Variants in PARD3B observed in about 807,000 individuals in gnomAD.
PARD3B encodes the protein partitioning defective 3 homolog B.
In PARD3B, 103 loss-of-function variants were observed where a neutral mutation model predicts 130.2. The observed-to-expected ratio is 0.79, with a 90% CI of 0.67 to 0.93. The LOEUF (loss-of-function observed/expected upper bound fraction) is 0.93. Ranked by LOEUF, PARD3B falls within the 40% of genes least tolerant of loss-of-function variation. The probability of loss-of-function intolerance (pLI) is 0.00; values close to 1 mark genes in which losing one functional copy is unlikely to be tolerated. For synonymous variants in PARD3B, 583 were observed against 553.2 expected, an observed-to-expected ratio of 1.05 and a Z score of -0.76; for missense variants, 1,609 against 1,499.2, an observed-to-expected ratio of 1.07 and a Z score of -1.21.
At chr2:205,511,747 TCTAA>T (rs1325659937) in intron 21 of PARD3B, among the ~76,000 whole-genome samples, 1 of 152,232 alleles carries the variant, frequency 6.6e-6, no homozygotes, top group African/African-American at 2.4e-5. Context: ...TGAATATCTA[TCTAA>T]CTGGTATTTA....
chr2:205,535,055 T>G (rs1305948792), intron 21 of PARD3B, among the ~76,000 whole-genome samples: 1 of 152,188 alleles, frequency 6.6e-6, no homozygotes, highest in Non-Finnish European at 1.5e-5. Flanking sequence ...AGTTCTTTTT[T>G]GCATCTCTCT....
At chr2:205,118,887 A>C (rs762454283) in intron 6 of PARD3B, 34 bp from the exon 7 acceptor site, 14 of 1,366,934 alleles carry the variant, frequency 1.0e-5, no homozygotes, top group African/African-American at 3.0e-5. Flanking sequence ...TTTATTATTC[A>C]GTAATTATAT....
chr2:205,111,004 G>T (rs1281239980), intron 5 of PARD3B, among the ~76,000 whole-genome samples: 1 of 152,096 alleles, frequency 6.6e-6, no homozygotes, highest in Non-Finnish European at 1.5e-5. Flanking sequence ...TTCTAGTACT[G>T]AGGGTTGTTT....
chr2:204,825,222 G>C (rs778713942), intron 2 of PARD3B, among the ~76,000 whole-genome samples: 3 of 152,168 alleles, frequency 2.0e-5, no homozygotes, highest in Non-Finnish European at 4.4e-5. Flanking sequence ...TTGCATTCCA[G>C]CTTTCTTACT....
intron 2 of PARD3B, among the ~76,000 whole-genome samples, chr2:204,786,943 T>C (rs1038703860): frequency 5.9e-5 from 9 of 152,084 alleles, no homozygotes; most frequent in Admixed American, 3.3e-4. Flanking sequence ...AATCGTGACT[T>C]AAAGACCTGC....
intron 19 of PARD3B, among the ~76,000 whole-genome samples, chr2:205,402,235 T>C (rs1261401115): frequency 6.6e-6 from 1 of 152,218 alleles, no homozygotes; most frequent in African/African-American, 2.4e-5. Context: ...GGAAATCAAG[T>C]GTTTTACATT....
chr2:205,197,954 A>G (rs959156475), intron 15 of PARD3B, among the ~76,000 whole-genome samples: 1 of 152,232 alleles, frequency 6.6e-6, no homozygotes, highest in African/African-American at 2.4e-5. Context: ...TGTTGGCAGT[A>G]TGCCAGGAAG....
intron 21 of PARD3B, among the ~76,000 whole-genome samples, chr2:205,508,783 G>C (rs1041895597): frequency 2.6e-5 from 4 of 152,100 alleles, no homozygotes; most frequent in Admixed American, 6.5e-5. Context: ...GAAAAAAAGA[G>C]AGAAAAAACC....
chr2:204,617,186 G>T lies in PARD3B; in HGVS notation c.121-68995G>T, dbSNP rs188080220. ...AGAGTTAGGGGTTACATTAAGTCTGGGGTAAATTTATACAGGTAAATGGTA... is the reference window on the plus strand; with the variant it reads ...AGAGTTAGGGGTTACATTAAGTCTGTGGTAAATTTATACAGGTAAATGGTA... On this transcript the variant is annotated intron_variant, in intron 1 of 22. Transcript: ENST00000406610. 9.3e-4 allele frequency among the ~76,000 whole-genome samples: 142 copies of T among 152,112 alleles called. 1 individual carries two copies. The highest frequency in any genetic ancestry group is 3.3e-3 in the African/African-American group (136 of 41,504).
intron 18 of PARD3B, among the ~76,000 whole-genome samples, chr2:205,357,651 G>A (rs1423705220): frequency 1.0e-5 from 1 of 98,512 alleles, no homozygotes; most frequent in Non-Finnish European, 2.6e-5. Context: ...ATACTTGAGA[G>A]TTTCATGAGA....
In PARD3B at chr2:205,143,114, C is replaced by T. The variant is rs529906794; in HGVS notation, c.1435-15608C>T. On this transcript the variant is annotated intron_variant, in intron 10 of 22. Transcript: ENST00000406610. Reference sequence around the variant, plus strand: ...GCAAAGAATTCTTAATTCCATTACCCCTTCATTGTGAAATTTCTTTTCAGT... The same window carrying T: ...GCAAAGAATTCTTAATTCCATTACCTCTTCATTGTGAAATTTCTTTTCAGT... Among the ~76,000 whole-genome samples the T allele has an allele frequency of 1.4e-4, 21 of 152,216 alleles. No homozygotes were observed. In the South Asian group the frequency reaches 3.9e-3, roughly 29 times the overall value.
rs1041592355 is a variant in PARD3B at position 204,673,135 on chromosome 2, A to G, written c.121-13046A>G. On this transcript the variant is annotated intron_variant, in intron 1 of 22. Coordinates refer to ENST00000406610, the MANE Select transcript of PARD3B (RefSeq NM_001302769.2). This position sits in a 1 kb window ranked among gnomAD's most constrained non-coding sequence, Gnocchi z 4.7. The stretch of plus-strand genomic sequence containing the variant: ...AAAGCTCATACTTTTTCCACGAAGC[A>G]TTTTGGGGAGTATGCTGAATTATCC... Among the ~76,000 whole-genome samples the G allele has an allele frequency of 2.0e-5, 3 of 152,118 alleles. No individual in the cohort carries two copies. Among genetic ancestry groups the G allele is most frequent in the African/African-American group, 7.2e-5 (3 of 41,436 alleles).
At chr2:205,194,776 TTTA>T (rs1022582147) in intron 15 of PARD3B, among the ~76,000 whole-genome samples, 1 of 151,658 alleles carries the variant, frequency 6.6e-6, no homozygotes, top group Non-Finnish European at 1.5e-5. Flanking sequence ...ACATTTTAAT[TTTA>T]TTATTATTAT....
rs962268792 is a variant in PARD3B at position 205,300,241 on chromosome 2, G to T, written c.2186-289G>T. On this transcript the variant is annotated intron_variant, in intron 16 of 22. Coordinates refer to ENST00000406610, the MANE Select transcript of PARD3B (RefSeq NM_001302769.2). This position sits in a 1 kb window ranked among gnomAD's most constrained non-coding sequence, Gnocchi z 4.1. ...TACAGCCTTTCAAATTCATAGGTGT[G>T]TGTGTATATGCCTATAGACACACAT... 2.6e-5 allele frequency among the ~76,000 whole-genome samples: 4 copies of T among 152,154 alleles called. No homozygotes were observed. The highest frequency in any genetic ancestry group is 9.7e-5 in the African/African-American group (4 of 41,424).
intron 18 of PARD3B, among the ~76,000 whole-genome samples, chr2:205,372,781 A>G (rs1168129904): frequency 6.6e-6 from 1 of 152,134 alleles, no homozygotes; most frequent in Non-Finnish European, 1.5e-5. Flanking sequence ...GTAGTTCGAG[A>G]GCAGCCTGGG....
At chr2:204,687,058 G>T (rs2037118969) in intron 2 of PARD3B, among the ~76,000 whole-genome samples, 1 of 152,026 alleles carries the variant, frequency 6.6e-6, no homozygotes, top group African/African-American at 2.4e-5. Flanking sequence ...AGTGCTGTTT[G>T]TACAAGGCTA....
At chr2:205,332,585 G>A (rs537633994) in intron 18 of PARD3B, among the ~76,000 whole-genome samples, 3 of 152,208 alleles carry the variant, frequency 2.0e-5, no homozygotes, top group Non-Finnish European at 4.4e-5. Context: ...ACACTTTTCT[G>A]TTCATCGCCA....
At position 205,460,215 on chromosome 2, in the gene PARD3B, T is replaced by G. The variant is rs369813080; in HGVS notation, c.3044+19543T>G. ...CTTCAGTAGTAATTTTCAGATCATTTGAGTCTAAATGCAGCTTTGAGGATA... is the reference window on the plus strand; with the variant it reads ...CTTCAGTAGTAATTTTCAGATCATTGGAGTCTAAATGCAGCTTTGAGGATA... On this transcript the variant is annotated intron_variant, in intron 20 of 22. Transcript: ENST00000406610. The surrounding 1 kb of genome is among the most constrained non-coding windows in gnomAD (Gnocchi z 4.9). Among the ~76,000 whole-genome samples the G allele has an allele frequency of 5.9e-5, 9 of 152,300 alleles. No homozygotes were observed. The East Asian group carries it at 1.5e-3, about 26-fold the overall frequency.
intron 2 of PARD3B, among the ~76,000 whole-genome samples, chr2:204,700,589 T>C (rs1326388521): frequency 6.6e-6 from 1 of 152,126 alleles, no homozygotes; most frequent in African/African-American, 2.4e-5. Flanking sequence ...CTCTTCACTG[T>C]CCATTGGATC....
Sources: allele counts gnomAD v4.1 joint callset (sites outside exome capture counted in the v4.1 genomes callset), GRCh38; gene constraint gnomAD v4.1.1; non-coding constraint Gnocchi (gnomAD v3.1); transcripts MANE v1.5; gene names NCBI Gene and HGNC (gene_info 2026-07-23, HGNC 2026-07-21).